CATSPER1: variants seen among roughly 807,000 people sequenced by gnomAD.
The protein encoded by CATSPER1 is cation channel sperm-associated protein 1.
Under a neutral mutation model 72.7 loss-of-function variants are expected in CATSPER1, and 57 were observed. The observed-to-expected ratio is 0.78, with a 90% CI of 0.63 to 0.98. The LOEUF is 0.98. Among genes scored for constraint, CATSPER1 ranks in the 50% least tolerant of loss-of-function variants. The pLI is 0.00. For synonymous variants in CATSPER1, 363 were observed against 403.0 expected (o/e 0.90, Z 1.19); for missense variants, 910 against 1,033.9 (o/e 0.88, Z 1.64).
Position 66,018,939 on chromosome 11 carries a change from G to A in CATSPER1, c.2126-37C>T, listed in dbSNP as rs750677869. ...GAAAGAAGGGTGAGGTCAAGGCCTG[G>A]ATTTGGAGAGGAGGCAGAGGAACCC... is the stretch of plus-strand genomic sequence containing the variant. On this transcript the variant is annotated intron_variant, in intron 9 of 11. Transcript: ENST00000312106. 14 of 1,551,916 alleles carry A rather than the reference G, an allele frequency of 9.0e-6. No individual in the cohort carries two copies. In the South Asian group the frequency reaches 1.6e-4, roughly 17 times the overall value.
chr11:66,025,281 A>G lies in CATSPER1; in HGVS notation c.1099T>C (p.Ser367Pro). 1 of 1,614,136 alleles carries G rather than the reference A, an allele frequency of 6.2e-7. No individual in the cohort carries two copies. Residue 367 changes from serine to proline, a missense_variant, in exon 1 of 12, where the codon TCC becomes CCC. Physicochemically the swap from Ser to Pro is moderately conservative, Grantham distance 74. Coordinates refer to ENST00000312106, the MANE Select transcript of CATSPER1 (RefSeq NM_053054.4). ...RGSAHSMTRS[S>P]STIRSRVTQM... Reference sequence around the variant, plus strand: ...GTGACACGTGAGCGGATTGTGCTGGAGGACCGAGTCATGCTGTGAGCCGAG... The same window carrying G: ...GTGACACGTGAGCGGATTGTGCTGGGGGACCGAGTCATGCTGTGAGCCGAG...
At position 66,020,244 on chromosome 11, in the gene CATSPER1, T is replaced by A. The variant is rs774794724; in HGVS notation, c.2065-44A>T. ...AGATCTGCCAGAGTCCCAGGCCTGC[T>A]CAACCCTGGAGGCCCCTGGCCTCAC... On this transcript the variant is annotated intron_variant, in intron 8 of 11. Transcript: ENST00000312106. This position sits in a 1 kb window ranked among gnomAD's most constrained non-coding sequence, Gnocchi z 4.5. 3 of 1,613,746 alleles carry A rather than the reference T, an allele frequency of 1.9e-6. No individual in the cohort carries two copies. The African/African-American group carries it at 4.0e-5, about 22-fold the overall frequency.
rs765127828 is a variant in CATSPER1, at chr11:66,016,905, C to T, written c.2328G>A (p.Glu776=). ...CCTCCTGGGGTCAATTCCTGAAGTC[C>T]TCTTCTCCAGCCTGCAGGGGTGAGT... ...IVDTTFEAGE[E]DFRN is the part of the protein sequence containing the mutation. Residue 776 remains glutamate, a synonymous_variant, in exon 12 of 12, where the codon GAG becomes GAA. Transcript: ENST00000312106. 6.2e-7 allele frequency: 1 copy of T among 1,614,008 alleles called. No homozygotes were observed.
In CATSPER1 at chr11:66,026,342, T is replaced by C; in HGVS notation, c.38A>G (p.Glu13Gly). 1 of 1,613,978 alleles carries C rather than the reference T, an allele frequency of 6.2e-7. No homozygotes were observed. The highest frequency in any genetic ancestry group is 8.5e-7 in the Non-Finnish European group (1 of 1,179,900). The change falls in exon 1 of 12, where the codon GAG (glutamate) becomes GGG (glycine). Residue 13 changes from glutamate (E) to glycine (G), a missense_variant. Physicochemically the swap from Glu to Gly is moderately conservative, Grantham distance 98. Transcript: ENST00000312106. ...QNSVPEKAQN[E>G]ADTNNADRFF... is the part of the protein sequence containing the mutation. ...CCTATCTGCGTTATTGGTGTCTGCC[T>C]CATTCTGAGCCTTTTCAGGCACTGA...
At chr11:66,021,444 G>A in intron 4 of CATSPER1, 52 bp downstream of exon 4, 1 of 1,601,174 alleles carries the variant, frequency 6.2e-7, no homozygotes, top group Non-Finnish European at 8.5e-7. Context: ...CCTGGTCTGT[G>A]TCCCCTCTTC....
At position 66,022,969 on chromosome 11, in the gene CATSPER1, G is replaced by A. The variant is rs1319000804; in HGVS notation, c.1309C>T (p.Arg437Trp). 2 of 1,614,108 alleles carry A rather than the reference G, an allele frequency of 1.2e-6. No individual in the cohort carries two copies. Among genetic ancestry groups the A allele is most frequent in the Non-Finnish European group, 1.7e-6 (2 of 1,180,048 alleles). ...EKLTFLIQGF[R>W]EMIRNLTQSL... ...TGGGTCAGGTTCCGGATCATTTCCCGGAAGCCCTGAATGAGGAAGGTTAGC... is the reference window on the plus strand; with the variant it reads ...TGGGTCAGGTTCCGGATCATTTCCCAGAAGCCCTGAATGAGGAAGGTTAGC... The change falls in exon 2 of 12, where the codon CGG becomes TGG. Residue 437 changes from arginine (R) to tryptophan (W), a missense_variant. Transcript: ENST00000312106.
At chr11:66,017,535 C>A (rs1370632986) in intron 10 of CATSPER1, among the ~76,000 whole-genome samples, 1 of 151,760 alleles carries the variant, frequency 6.6e-6, no homozygotes, top group Admixed American at 6.6e-5. Flanking sequence ...ACTCACCTCC[C>A]CCTCCACCCA....
intron 10 of CATSPER1, 175 bp downstream of exon 10, chr11:66,018,652 G>A: frequency 1.5e-6 from 1 of 665,734 alleles, no homozygotes; most frequent in Non-Finnish European, 2.7e-6. Context: ...ACACACCTCT[G>A]GATGTGCAGA....
In CATSPER1 at chr11:66,021,034, C is replaced by T. The variant is rs528800312; in HGVS notation, c.1783+60G>A. On this transcript the variant is annotated intron_variant, in intron 5 of 11. Coordinates refer to ENST00000312106, the MANE Select transcript of CATSPER1 (RefSeq NM_053054.4). ...CTCGTCCTGCCCCATCCCTGCTCCC[C>T]GCACCCCTTTCACCGCAGCCCCTCA... 2,220 of 1,606,004 alleles carry T rather than the reference C, an allele frequency of 1.4e-3. 26 individuals carry two copies. In the African/African-American group the frequency reaches 0.024, roughly 17 times the overall value.
chr11:66,021,310 T>C, intron 4 of CATSPER1, 125 bp from the exon 5 acceptor site: 3 of 1,216,650 alleles, frequency 2.5e-6, no homozygotes, highest in Non-Finnish European at 2.3e-6. Flanking sequence ...GGGTGAGTCC[T>C]GGCCCCTCTC....
At position 66,020,065 on chromosome 11, in the gene CATSPER1, A is replaced by C; in HGVS notation, c.2125+75T>G. 1 of 1,458,878 alleles carries C rather than the reference A, an allele frequency of 6.9e-7. No homozygotes were observed. Among genetic ancestry groups the C allele is most frequent in the Non-Finnish European group, 9.6e-7 (1 of 1,043,398 alleles). 90.4% of individuals were successfully genotyped at this position (1,458,878 alleles called of 1,614,324 possible). On this transcript the variant is annotated intron_variant, in intron 9 of 11. Transcript: ENST00000312106. This position sits in a 1 kb window ranked among gnomAD's most constrained non-coding sequence, Gnocchi z 4.5. ...GAGTCTGGAATTCTGTGACTGTGGA[A>C]GGAGGTTAGGGGGATGGAGAGACTG...
Position 66,020,392 on chromosome 11 carries a change from G to A in CATSPER1, c.1992-3C>T. 1 of 1,614,034 alleles carries A rather than the reference G, an allele frequency of 6.2e-7. No individual in the cohort carries two copies. The highest frequency in any genetic ancestry group is 8.5e-7 in the Non-Finnish European group (1 of 1,180,016). On this transcript the variant is annotated splice_polypyrimidine_tract_variant and splice_region_variant and intron_variant, in intron 7 of 11. Coordinates refer to ENST00000312106, the MANE Select transcript of CATSPER1 (RefSeq NM_053054.4). The surrounding 1 kb of genome is among the most constrained non-coding windows in gnomAD (Gnocchi z 4.5). The stretch of plus-strand genomic sequence containing the variant: ...CCACCAGGACAGTAATCACCAGGCT[G>A]GGGAGAGGGACAGGGGTGTGCCCTC...
rs1254253578 is a variant in CATSPER1 at position 66,025,528 on chromosome 11, G to A, written c.852C>T (p.His284=). The A allele has an allele frequency of 6.2e-7, 1 of 1,604,136 alleles. No homozygotes were observed. The highest frequency in any genetic ancestry group is 8.5e-7 in the Non-Finnish European group (1 of 1,175,684). ...PSEYHHGDHP[H]HTQHHYHQTH... ...TCTGGTGGTAGTGGTGCTGTGTGTG[G>A]TGGGGATGGTCGCCATGGTGGTACT... is the stretch of plus-strand genomic sequence containing the variant. Residue 284 remains histidine, a synonymous_variant, in exon 1 of 12, where the codon CAC becomes CAT. Transcript: ENST00000312106.
At chr11:66,023,118 G>T in intron 1 of CATSPER1, 57 bp from the exon 2 acceptor site, 1 of 1,506,544 alleles carries the variant, frequency 6.6e-7, no homozygotes, top group South Asian at 1.1e-5. Context: ...CGAGGTCCCA[G>T]GCACCCCCCA....
At chr11:66,023,805 A>G (rs1371800771) in intron 1 of CATSPER1, among the ~76,000 whole-genome samples, 1 of 151,058 alleles carries the variant, frequency 6.6e-6, no homozygotes, top group Non-Finnish European at 1.5e-5. Context: ...CATATGGAAA[A>G]CCCACCCTCC....
chr11:66,026,137 G>A lies in CATSPER1; in HGVS notation c.243C>T (p.His81=). Residue 81 remains histidine (H), a synonymous_variant, in exon 1 of 12, where the codon CAC becomes CAT. Transcript: ENST00000312106. ...CTCTGCCGTGATTCCGTGCCTCGCT[G>A]TGGTGGTGAGATTGGTGGACATGGG... ...LSSHVHQSHH[H]SEARNHGRAH... The A allele has an allele frequency of 1.2e-6, 2 of 1,607,054 alleles. No homozygotes were observed. Among genetic ancestry groups the A allele is most frequent in the Non-Finnish European group, 1.7e-6 (2 of 1,174,172 alleles).
chr11:66,018,667 A>T, intron 10 of CATSPER1, 160 bp downstream of exon 10: 1 of 740,468 alleles, frequency 1.4e-6, no homozygotes, highest in Non-Finnish European at 2.3e-6. Context: ...TGCAGAAGCC[A>T]CCCAGGGTCT....
In CATSPER1 at chr11:66,020,942, G is replaced by A. The variant is rs376519887; in HGVS notation, c.1796C>T (p.Ala599Val). ...LMFTCLFLFS[A>V]VLRALFRKSD... ...TTTGCGGAACAGTGCCCGGAGGACC[G>A]CGGAGAAGAGGACTGGCTGTTCAGG... Residue 599 changes from alanine to valine, a missense_variant, in exon 6 of 12, where the codon GCG (alanine) becomes GTG (valine). Ala to Val is a moderately conservative substitution (Grantham distance 64). Coordinates refer to ENST00000312106, the MANE Select transcript of CATSPER1 (RefSeq NM_053054.4). This position sits in a 1 kb window ranked among gnomAD's most constrained non-coding sequence, Gnocchi z 4.5. 2.5e-5 allele frequency: 40 copies of A among 1,613,870 alleles called. No individual in the cohort carries two copies. Among genetic ancestry groups the A allele is most frequent in the South Asian group, 4.4e-5 (4 of 91,084 alleles).
In CATSPER1 at chr11:66,026,099, G is replaced by A. The variant is rs779893090; in HGVS notation, c.281C>T (p.Thr94Ile). The change falls in exon 1 of 12, where the codon ACA (threonine) becomes ATA (isoleucine). Residue 94 changes from threonine (T) to isoleucine (I), a missense_variant. Physicochemically the swap from Thr to Ile is moderately conservative, Grantham distance 89. Transcript: ENST00000312106. Reference sequence around the variant, plus strand: ...TTGAGAGGGAGCCAGACCAAAGCCTGTGGGGCCATGGGCTCTGCCGTGATT... The same window carrying A: ...TTGAGAGGGAGCCAGACCAAAGCCTATGGGGCCATGGGCTCTGCCGTGATT... ...ARNHGRAHGPTGFGLAPSQGA... is the reference protein window; with the variant it reads ...ARNHGRAHGPIGFGLAPSQGA... The A allele has an allele frequency of 6.2e-7, 1 of 1,612,242 alleles. No homozygotes were observed. Among genetic ancestry groups the A allele is most frequent in the Non-Finnish European group, 8.5e-7 (1 of 1,178,666 alleles).
Sources: allele counts gnomAD v4.1 joint callset (sites outside exome capture counted in the v4.1 genomes callset), GRCh38; gene constraint gnomAD v4.1.1; non-coding constraint Gnocchi (gnomAD v3.1); transcripts MANE v1.5; gene names NCBI Gene and HGNC (gene_info 2026-07-23, HGNC 2026-07-21).